The following NRXN3 variants were observed in gnomAD, a reference collection of about 807,000 sequenced individuals.
NRXN3 encodes neurexin III.
In NRXN3, 32 loss-of-function variants were observed where a neutral mutation model predicts 137.6. The observed-to-expected ratio is 0.23, with a 90% CI of 0.18 to 0.31. NRXN3 has a LOEUF of 0.31. Ranked by LOEUF, NRXN3 falls within the 10% of genes least tolerant of loss-of-function variation. The pLI, the probability that NRXN3 is intolerant of heterozygous loss-of-function variation, is 1.00. For missense variants in NRXN3, 1,574 were observed against 2,062.5 expected, an observed-to-expected ratio of 0.76 and a Z score of 4.59; for synonymous variants, 798 against 784.5, an observed-to-expected ratio of 1.02 and a Z score of -0.29.
intron 15 of NRXN3, among the ~76,000 whole-genome samples, chr14:79,431,962 C>T (rs1443265381): frequency 6.6e-6 from 1 of 152,044 alleles, no homozygotes; most frequent in Non-Finnish European, 1.5e-5. Flanking sequence ...GCTTTTCTCC[C>T]TACTACAGTC....
intron 15 of NRXN3, among the ~76,000 whole-genome samples, chr14:79,063,080 A>G (rs2099676212): frequency 6.6e-6 from 1 of 152,172 alleles, no homozygotes; most frequent in Admixed American, 6.5e-5. Flanking sequence ...GGTGTGTTCA[A>G]CTGTGGACAT....
At chr14:79,327,546 C>G (rs1413470884) in intron 15 of NRXN3, among the ~76,000 whole-genome samples, 3 of 152,144 alleles carry the variant, frequency 2.0e-5, no homozygotes, top group African/African-American at 7.2e-5. Flanking sequence ...CACATCCATA[C>G]TGCCAGGCCT....
intron 15 of NRXN3, among the ~76,000 whole-genome samples, chr14:79,419,942 G>A (rs2153530846): frequency 6.6e-6 from 1 of 152,280 alleles, no homozygotes; most frequent in South Asian, 2.1e-4. Context: ...AGAAGCTTAA[G>A]GCAGGACATG....
At chr14:79,386,206 C>T (rs1237444407) in intron 15 of NRXN3, among the ~76,000 whole-genome samples, 1 of 152,138 alleles carries the variant, frequency 6.6e-6, no homozygotes, top group East Asian at 1.9e-4. Context: ...TAGAAAGCCC[C>T]ATCATCTCAG....
chr14:78,896,196 C>G (rs1164035059), intron 10 of NRXN3, among the ~76,000 whole-genome samples: 1 of 151,876 alleles, frequency 6.6e-6, no homozygotes, highest in Non-Finnish European at 1.5e-5. Context: ...ATAGGTTTCT[C>G]TCCTATTCTT....
At chr14:79,090,874 A>G (rs948911225) in intron 15 of NRXN3, among the ~76,000 whole-genome samples, 1 of 152,146 alleles carries the variant, frequency 6.6e-6, no homozygotes, top group African/African-American at 2.4e-5. Context: ...CCCAGCATTT[A>G]CAGCCTAGAA....
chr14:79,094,680 T>A (rs2049904741), intron 15 of NRXN3, among the ~76,000 whole-genome samples: 1 of 152,082 alleles, frequency 6.6e-6, no homozygotes, highest in African/African-American at 2.4e-5. Flanking sequence ...TTAAAAGAAG[T>A]CTGAGTTTTT....
At chr14:78,344,109 G>A (rs573985256) in intron 4 of NRXN3, among the ~76,000 whole-genome samples, 31 of 152,208 alleles carry the variant, frequency 2.0e-4, no homozygotes, top group Non-Finnish European at 3.7e-4. Context: ...AGCACAGCAT[G>A]TCTTTGGCTC....
chr14:78,765,875 A>T (rs1404476130), intron 8 of NRXN3, among the ~76,000 whole-genome samples: 1 of 152,010 alleles, frequency 6.6e-6, no homozygotes, highest in African/African-American at 2.4e-5. Context: ...TAGACCTCTC[A>T]CACAAATTTG....
chr14:79,181,076 A>T (rs997759555), intron 15 of NRXN3, among the ~76,000 whole-genome samples: 1 of 151,106 alleles, frequency 6.6e-6, no homozygotes, highest in Non-Finnish European at 1.5e-5. Flanking sequence ...ATATATATAT[A>T]TATATATGCA....
At chr14:79,444,522 A>G (rs1334732360) in intron 15 of NRXN3, among the ~76,000 whole-genome samples, 1 of 152,236 alleles carries the variant, frequency 6.6e-6, no homozygotes, top group East Asian at 1.9e-4. Flanking sequence ...AGTGCATCAG[A>G]TGAATCAAAA....
At chr14:79,681,170 C>T (rs185565262) in intron 17 of NRXN3, among the ~76,000 whole-genome samples, 1 of 152,288 alleles carries the variant, frequency 6.6e-6, no homozygotes, top group Non-Finnish European at 1.5e-5. Flanking sequence ...TGTCTCCATC[C>T]TTGGACCCCT....
At chr14:79,384,167 G>A (rs770404609) in intron 15 of NRXN3, among the ~76,000 whole-genome samples, 8 of 152,026 alleles carry the variant, frequency 5.3e-5, no homozygotes, top group Non-Finnish European at 1.2e-4. Context: ...TTTATAAAGC[G>A]GTAGTTGAAT....
intron 4 of NRXN3, among the ~76,000 whole-genome samples, chr14:78,342,992 AGTTCAGTC>A (rs2082304100): frequency 6.6e-6 from 1 of 152,176 alleles, no homozygotes; most frequent in Non-Finnish European, 1.5e-5. Context: ...AGTTTGGCAT[AGTTCAGTC>A]GTTCTCAAAG....
At chr14:78,663,526 A>G (rs1256760450) in intron 6 of NRXN3, among the ~76,000 whole-genome samples, 2 of 152,180 alleles carry the variant, frequency 1.3e-5, no homozygotes, top group Non-Finnish European at 2.9e-5. Flanking sequence ...CAAGCAGTGC[A>G]ATAGTTTCGT....
chr14:79,489,190 G>T (rs1887026251), intron 16 of NRXN3, among the ~76,000 whole-genome samples: 1 of 152,054 alleles, frequency 6.6e-6, no homozygotes, highest in Non-Finnish European at 1.5e-5. Flanking sequence ...TGGCCTATCT[G>T]CTTGCACCAA....
At chr14:78,841,147 C>A (rs1238538600) in intron 10 of NRXN3, among the ~76,000 whole-genome samples, 2 of 152,074 alleles carry the variant, frequency 1.3e-5, no homozygotes, top group Non-Finnish European at 2.9e-5. Context: ...TCACAGAAGT[C>A]CACTGACTTG....
At chr14:78,302,839 G>A (rs1457390456) in intron 4 of NRXN3, among the ~76,000 whole-genome samples, 2 of 152,196 alleles carry the variant, frequency 1.3e-5, no homozygotes, top group Admixed American at 1.3e-4. Context: ...GAGAGAGCTT[G>A]TTGAGACTCT....
At chr14:79,381,504 A>T (rs2094469168) in intron 15 of NRXN3, among the ~76,000 whole-genome samples, 1 of 152,126 alleles carries the variant, frequency 6.6e-6, no homozygotes, top group Non-Finnish European at 1.5e-5. Context: ...AGACATTGTC[A>T]TCTATGCTTC....
Sources: allele counts gnomAD v4.1 joint callset (sites outside exome capture counted in the v4.1 genomes callset), GRCh38; gene constraint gnomAD v4.1.1; transcripts MANE v1.5; gene names NCBI Gene and HGNC (gene_info 2026-07-23, HGNC 2026-07-21).